ZNRF1: variants seen among roughly 807,000 people sequenced by gnomAD.
ZNRF1 encodes E3 ubiquitin-protein ligase ZNRF1.
ZNRF1 carries 3 observed loss-of-function variants against 18.4 expected under a neutral mutation model. The observed-to-expected ratio is 0.16, with a 90% CI of 0.07 to 0.42. ZNRF1 has a LOEUF of 0.42. Ranked by LOEUF, ZNRF1 falls within the 10% of genes least tolerant of loss-of-function variation. The pLI is 0.99. For missense variants in ZNRF1, 310 were observed against 329.8 expected, an observed-to-expected ratio of 0.94 and a Z score of 0.47; for synonymous variants, 157 against 144.2, an observed-to-expected ratio of 1.09 and a Z score of -0.64.
At chr16:75,033,089 T>C (rs1424253387) in intron 1 of ZNRF1, among the ~76,000 whole-genome samples, 5 of 152,228 alleles carry the variant, frequency 3.3e-5, no homozygotes, top group Non-Finnish European at 7.3e-5. Flanking sequence ...TTTTTCTTTA[T>C]ACGTCTGTCC....
chr16:75,015,467 C>T (rs1381745057), intron 1 of ZNRF1, among the ~76,000 whole-genome samples: 1 of 152,122 alleles, frequency 6.6e-6, no homozygotes. Flanking sequence ...CCCAGCTACT[C>T]AGGAGGCTGA....
chr16:75,012,817 G>A (rs1177628350), intron 1 of ZNRF1, among the ~76,000 whole-genome samples: 2 of 152,184 alleles, frequency 1.3e-5, no homozygotes, highest in Non-Finnish European at 2.9e-5. Context: ...GTTAAGATTT[G>A]CTTTCCTTTG....
chr16:75,004,791 T>C (rs896880167), intron 1 of ZNRF1, among the ~76,000 whole-genome samples: 1 of 152,042 alleles, frequency 6.6e-6, no homozygotes, highest in Non-Finnish European at 1.5e-5. Flanking sequence ...TTTTATACAA[T>C]CTTTTGTAGA....
At chr16:75,086,312 A>C (rs2036073724) in intron 1 of ZNRF1, among the ~76,000 whole-genome samples, 1 of 152,228 alleles carries the variant, frequency 6.6e-6, no homozygotes, top group African/African-American at 2.4e-5. Flanking sequence ...CTTTGTCAGT[A>C]TGGCTGTCTT....
At chr16:75,084,907 G>A (rs1158150687) in intron 1 of ZNRF1, among the ~76,000 whole-genome samples, 2 of 152,210 alleles carry the variant, frequency 1.3e-5, no homozygotes, top group African/African-American at 4.8e-5. Flanking sequence ...AAAGTTGGAA[G>A]AAGTTTAACT....
At chr16:75,000,899 G>A (rs2034840172) in intron 1 of ZNRF1, among the ~76,000 whole-genome samples, 1 of 152,218 alleles carries the variant, frequency 6.6e-6, no homozygotes, top group South Asian at 2.1e-4. Context: ...CACATGACTG[G>A]GGAAAAGGAG....
chr16:75,073,853 G>A (rs2035904785), intron 1 of ZNRF1, among the ~76,000 whole-genome samples: 1 of 152,002 alleles, frequency 6.6e-6, no homozygotes, highest in South Asian at 2.1e-4. Context: ...CCAGAAATAG[G>A]GTTGCCGGAT....
At position 75,109,416 on chromosome 16, in the gene ZNRF1, C is replaced by A. The variant is rs1382935961; in HGVS notation, c.*1716C>A. The A allele has an allele frequency of 1.3e-5, 2 of 153,466 alleles. No homozygotes were observed. Among genetic ancestry groups the A allele is most frequent in the Non-Finnish European group, 2.9e-5 (2 of 68,852 alleles). The allele number at this position is 153,466 out of a possible 1,614,324, so 9.5% of individuals were successfully genotyped here. ...ACCCTTCTCAGGCCCGCCTGATGTG[C>A]TGGACCATCCCCCTGCTGCCACGGC... On this transcript the variant is annotated 3_prime_UTR_variant, in exon 5 of 5. Transcript: ENST00000335325.
intron 1 of ZNRF1, among the ~76,000 whole-genome samples, chr16:75,058,804 C>G (rs537851256): frequency 6.6e-6 from 1 of 152,136 alleles, no homozygotes; most frequent in African/African-American, 2.4e-5. Context: ...GGTTCCTTTC[C>G]GTTTGTCCTT....
rs1300637734 is a variant in ZNRF1 at position 75,081,155 on chromosome 16, A to G, written c.425-12417A>G. The stretch of plus-strand genomic sequence containing the variant: ...GCCACTGCACTCCAGCCTGGGGGAC[A>G]GAGCAAGACTCTGTCTCAAATAAAT... On this transcript the variant is annotated intron_variant, in intron 1 of 4. Coordinates refer to ENST00000335325, the MANE Select transcript of ZNRF1 (RefSeq NM_032268.5). 2.0e-5 allele frequency among the ~76,000 whole-genome samples: 3 copies of G among 152,244 alleles called. No homozygotes were observed. The East Asian group carries it at 5.8e-4, about 29-fold the overall frequency.
chr16:75,059,551 ACCCATCT>A (rs1355067891), intron 1 of ZNRF1, among the ~76,000 whole-genome samples: 1 of 151,782 alleles, frequency 6.6e-6, no homozygotes, highest in Non-Finnish European at 1.5e-5. Context: ...AGAGAAAACT[ACCCATCT>A]TCTTACTTTT....
At position 75,010,722 on chromosome 16, in the gene ZNRF1, T is replaced by TTTTG. The variant is rs1209810843; in HGVS notation, c.424+10630_424+10631insGTTT. On this transcript the variant is annotated intron_variant, in intron 1 of 4. Transcript: ENST00000335325. ...TACTGTTTTTTTTTGTTTTTTTGTTTTTTTTTTTTTGAGGAGTCTCGCTCT... is the reference window on the plus strand; with the variant it reads ...TACTGTTTTTTTTTGTTTTTTTGTTTTTTGTTTTTTTTTTGAGGAGTCTCGCTCT... Among the ~76,000 whole-genome samples, 6 of 141,738 alleles carry TTTTG rather than the reference T, an allele frequency of 4.2e-5. 1 individual carries two copies. Among genetic ancestry groups the TTTTG allele is most frequent in the South Asian group, 4.8e-4 (2 of 4,154 alleles). The allele number at this position is 141,738 out of a possible 152,430, so 93.0% of individuals were successfully genotyped here.
intron 1 of ZNRF1, among the ~76,000 whole-genome samples, chr16:75,060,921 G>A (rs2035736374): frequency 6.6e-6 from 1 of 152,138 alleles, no homozygotes; most frequent in Non-Finnish European, 1.5e-5. Flanking sequence ...AGGGAAGGAA[G>A]TTCTCAAGAA....
At chr16:75,018,279 T>C (rs1009918486) in intron 1 of ZNRF1, among the ~76,000 whole-genome samples, 3 of 152,348 alleles carry the variant, frequency 2.0e-5, no homozygotes, top group Middle Eastern at 3.4e-3. Flanking sequence ...TGTTTATAAT[T>C]GTTTCGGGTT....
At chr16:75,102,531 T>C (rs1451621738) in intron 2 of ZNRF1, among the ~76,000 whole-genome samples, 1 of 152,222 alleles carries the variant, frequency 6.6e-6, no homozygotes, top group East Asian at 1.9e-4. Context: ...TCTCCTGATA[T>C]TTCTCCTGTG....
chr16:75,086,424 CA>C (rs1353487435), intron 1 of ZNRF1, among the ~76,000 whole-genome samples: 1 of 152,184 alleles, frequency 6.6e-6, no homozygotes, highest in Non-Finnish European at 1.5e-5. Flanking sequence ...TTCGAAGAGG[CA>C]AAAGCCAGAA....
intron 1 of ZNRF1, among the ~76,000 whole-genome samples, chr16:75,050,897 AAC>A (rs200645232): frequency 0.33 from 29,874 of 91,744 alleles, 11,800 homozygotes; most frequent in South Asian, 0.43. Context: ...AACAAAAAAA[AAC>A]AAAAAACTTG....
At chr16:75,000,963 A>G (rs1371456621) in intron 1 of ZNRF1, among the ~76,000 whole-genome samples, 1 of 152,226 alleles carries the variant, frequency 6.6e-6, no homozygotes, top group Non-Finnish European at 1.5e-5. Context: ...ACAGGCCAGC[A>G]AAAGGTTGGA....
chr16:75,107,379 C>T (rs776119271), intron 4 of ZNRF1: 12 of 211,994 alleles, frequency 5.7e-5, no homozygotes, highest in Non-Finnish European at 1.1e-4. Context: ...TTTTTCTTCC[C>T]CCCTCCCTTT....
Sources: allele counts gnomAD v4.1 joint callset (sites outside exome capture counted in the v4.1 genomes callset), GRCh38; gene constraint gnomAD v4.1.1; transcripts MANE v1.5; gene names NCBI Gene and HGNC (gene_info 2026-07-23, HGNC 2026-07-21).